Variants in XRRA1 observed in about 807,000 individuals in gnomAD.
XRRA1 encodes the protein X-ray radiation resistance associated 1, also known as X-ray radiation resistance-associated protein 1.
Under a neutral mutation model 80.2 loss-of-function variants are expected in XRRA1, and 69 were observed. That is an observed-to-expected ratio of 0.86 (90% CI 0.71 to 1.05). The LOEUF is 1.05. Ranked by LOEUF, XRRA1 falls within the 50% of genes least tolerant of loss-of-function variation. The probability of loss-of-function intolerance (pLI) is 0.00; values close to 1 mark genes in which losing one functional copy is unlikely to be tolerated. For missense variants in XRRA1, 967 were observed against 976.4 expected (o/e 0.99, Z 0.13); for synonymous variants, 348 against 389.9 (o/e 0.89, Z 1.27).
intron 10 of XRRA1, among the ~76,000 whole-genome samples, chr11:74,866,649 A>G (rs1164115828): frequency 5.5e-5 from 7 of 128,046 alleles, no homozygotes; most frequent in Non-Finnish European, 1.6e-5. Context: ...GGAGATTGAA[A>G]TAATTAAAAA....
chr11:74,854,631 A>C (rs1268808118), intron 12 of XRRA1, among the ~76,000 whole-genome samples: 2 of 152,176 alleles, frequency 1.3e-5, no homozygotes, highest in Non-Finnish European at 2.9e-5. Context: ...AAAAATGTAA[A>C]CACCACTCTT....
At chr11:74,886,397 T>C (rs909237477) in intron 10 of XRRA1, among the ~76,000 whole-genome samples, 5 of 152,062 alleles carry the variant, frequency 3.3e-5, no homozygotes, top group African/African-American at 7.2e-5. Flanking sequence ...CAAAATTCAA[T>C]AGCATTTTTA....
intron 10 of XRRA1, among the ~76,000 whole-genome samples, chr11:74,874,233 CAAAAAAAAAAAAAAAAAAAAAA>C (rs367875228): frequency 2.1e-5 from 1 of 48,290 alleles, no homozygotes; most frequent in African/African-American, 7.6e-5. Flanking sequence ...GACTCCGTCT[CAAAAAAAAAAAAAAAAAAAAAA>C]AAAAAAAGAA....
chr11:74,936,721 C>A (rs566542633), intron 4 of XRRA1, among the ~76,000 whole-genome samples, 163 bp downstream of exon 4: 1 of 152,328 alleles, frequency 6.6e-6, no homozygotes, highest in South Asian at 2.1e-4. Flanking sequence ...TGTCAAGAAA[C>A]TTTTGGGTCC....
chr11:74,906,492 A>C, intron 9 of XRRA1, 36 bp from the exon 10 acceptor site: 2 of 1,604,276 alleles, frequency 1.2e-6, no homozygotes, highest in Non-Finnish European at 1.7e-6. Flanking sequence ...AATCATAGCA[A>C]TAATGATACC....
chr11:74,898,774 G>A (rs2052963450), intron 10 of XRRA1, among the ~76,000 whole-genome samples: 1 of 151,974 alleles, frequency 6.6e-6, no homozygotes, highest in Non-Finnish European at 1.5e-5. Context: ...TATAAAGCAA[G>A]TATTATTGGA....
chr11:74,848,296 T>A lies in XRRA1; in HGVS notation c.1547A>T (p.Glu516Val). 6.2e-7 allele frequency: 1 copy of A among 1,613,912 alleles called. No homozygotes were observed. Among genetic ancestry groups the A allele is most frequent in the Non-Finnish European group, 8.5e-7 (1 of 1,179,848 alleles). Residue 516 changes from glutamate (E) to valine (V), a missense_variant, in exon 15 of 19, where the codon GAG becomes GTG. Physicochemically the swap from Glu to Val is moderately radical, Grantham distance 121. Coordinates refer to ENST00000684022, the MANE Select transcript of XRRA1 (RefSeq NM_001378157.1). The stretch of plus-strand genomic sequence containing the variant: ...AGACGGGGAATGGCCTTCCAGGTTC[T>A]CAGTGGGCATCTCTGACTCCACAGA... ...STSVESEMPT[E>V]NLEGHSPSCR...
chr11:74,892,376 C>T (rs1591120748), intron 10 of XRRA1, among the ~76,000 whole-genome samples: 1 of 152,128 alleles, frequency 6.6e-6, no homozygotes, highest in African/African-American at 2.4e-5. Flanking sequence ...AACTGGATCC[C>T]GTCCTTACCC....
intron 10 of XRRA1, among the ~76,000 whole-genome samples, chr11:74,896,323 T>C (rs777391289): frequency 1.3e-5 from 2 of 152,156 alleles, no homozygotes; most frequent in African/African-American, 2.4e-5. Context: ...CCAGGCCTGG[T>C]AGCATTTACC....
intron 2 of XRRA1, among the ~76,000 whole-genome samples, chr11:74,943,136 A>G (rs960904496): frequency 6.6e-6 from 1 of 152,242 alleles, no homozygotes; most frequent in African/African-American, 2.4e-5. Context: ...TCTATCTGCT[A>G]TGGGGTGGCT....
chr11:74,918,299 A>AGTGTGTGTGTGTGTGT (rs35763136), intron 8 of XRRA1, among the ~76,000 whole-genome samples: 5 of 150,050 alleles, frequency 3.3e-5, no homozygotes, highest in South Asian at 2.1e-4. Context: ...TTCCTTCCTT[A>AGTGTGTGTGTGTGTGT]GTGTGTGTGT....
chr11:74,937,966 C>G (rs117227351), intron 3 of XRRA1, among the ~76,000 whole-genome samples: 3 of 152,324 alleles, frequency 2.0e-5, no homozygotes, highest in Non-Finnish European at 4.4e-5. Flanking sequence ...CCTGCCCACA[C>G]AGTCATCCAT....
At chr11:74,892,772 A>G (rs1368133678) in intron 10 of XRRA1, among the ~76,000 whole-genome samples, 14 of 152,210 alleles carry the variant, frequency 9.2e-5, no homozygotes, top group Admixed American at 6.5e-5. Flanking sequence ...TCTCAAAAGA[A>G]GACATTTATG....
Position 74,843,017 on chromosome 11 carries a change from T to C in XRRA1, c.*183A>G. On this transcript the variant is annotated 3_prime_UTR_variant, in exon 19 of 19. Coordinates refer to ENST00000684022, the MANE Select transcript of XRRA1 (RefSeq NM_001378157.1). ...TGCCGCTGGGCCAGGCACCAGGTCA[T>C]GCCTGGGCCAAGGAGGGGAGATCCT... The C allele has an allele frequency of 2.6e-6, 2 of 781,114 alleles. No homozygotes were observed. Among genetic ancestry groups the C allele is most frequent in the Non-Finnish European group, 4.0e-6 (2 of 504,458 alleles). The allele number at this position is 781,114 out of a possible 1,614,324, so 48.4% of individuals were successfully genotyped here.
chr11:74,895,807 A>T (rs532766805), intron 10 of XRRA1, among the ~76,000 whole-genome samples: 48 of 151,920 alleles, frequency 3.2e-4, no homozygotes, highest in African/African-American at 1.1e-3. Flanking sequence ...TTCTAAACAC[A>T]CTCTTGGCCA....
At chr11:74,931,514 A>C (rs1366515158) in intron 5 of XRRA1, among the ~76,000 whole-genome samples, 1 of 151,716 alleles carries the variant, frequency 6.6e-6, no homozygotes, top group African/African-American at 2.4e-5. Flanking sequence ...TAGTAGGGAC[A>C]AGGTTTCACC....
At chr11:74,870,587 A>G (rs974062835) in intron 10 of XRRA1, among the ~76,000 whole-genome samples, 37 of 152,172 alleles carry the variant, frequency 2.4e-4, no homozygotes, top group African/African-American at 8.7e-4. Flanking sequence ...TTTTCTAGGA[A>G]TAGAAAGGAT....
intron 8 of XRRA1, chr11:74,919,703 G>A: frequency 3.9e-6 from 2 of 515,656 alleles, no homozygotes; most frequent in South Asian, 3.3e-5. Context: ...TGGGCTTCAA[G>A]AAGCATGCCC....
chr11:74,942,098 A>G (rs1478904209), intron 2 of XRRA1, among the ~76,000 whole-genome samples: 2 of 139,978 alleles, frequency 1.4e-5, no homozygotes, highest in Admixed American at 1.4e-4. Flanking sequence ...CCCCATATTT[A>G]AAAAAAAAAA....
Sources: allele counts gnomAD v4.1 joint callset (sites outside exome capture counted in the v4.1 genomes callset), GRCh38; gene constraint gnomAD v4.1.1; transcripts MANE v1.5; gene names NCBI Gene and HGNC (gene_info 2026-07-23, HGNC 2026-07-21).